ZNF318: variants seen among roughly 807,000 people sequenced by gnomAD.
ZNF318 encodes endocrine regulator.
A neutral mutation model predicts 124.2 loss-of-function variants in ZNF318; 51 were observed. That is an observed-to-expected ratio of 0.41 (90% CI 0.33 to 0.52). ZNF318 has a LOEUF of 0.52. Among genes scored for constraint, ZNF318 ranks in the 20% least tolerant of loss-of-function variants. The pLI, the probability that ZNF318 is intolerant of heterozygous loss-of-function variation, is 0.23. For synonymous variants in ZNF318, 1,090 were observed against 1,040.7 expected (o/e 1.05, Z -0.91); for missense variants, 2,815 against 2,811.2 (o/e 1.00, Z -0.03).
In ZNF318 at chr6:43,337,047, G is replaced by A; in HGVS notation, c.*111C>T. 9.9e-7 allele frequency: 1 copy of A among 1,009,868 alleles called. No individual in the cohort carries two copies. The highest frequency in any genetic ancestry group is 2.4e-5 in the South Asian group (1 of 41,826). The allele number at this position is 1,009,868 out of a possible 1,614,324, so 62.6% of individuals were successfully genotyped here. A position where few individuals can be genotyped will look rare whatever the true frequency, so the allele number is the denominator to read the frequency against. On this transcript the variant is annotated 3_prime_UTR_variant, in exon 10 of 10. Transcript: ENST00000361428. ...GAACATTTACTTTAAGATGCTGACTGCATCTCTTGGTGTAGGTTCCAGATG... is the reference window on the plus strand; with the variant it reads ...GAACATTTACTTTAAGATGCTGACTACATCTCTTGGTGTAGGTTCCAGATG...
intron 1 of ZNF318, among the ~76,000 whole-genome samples, chr6:43,368,351 T>A (rs960980370): frequency 5.3e-5 from 8 of 152,246 alleles, no homozygotes; most frequent in Admixed American, 4.6e-4. Flanking sequence ...CAAAGACTTG[T>A]GAGGGTTAAA....
intron 2 of ZNF318, among the ~76,000 whole-genome samples, chr6:43,362,518 CTT>C (rs1180416139): frequency 1.7e-3 from 140 of 80,908 alleles, no homozygotes; most frequent in African/African-American, 6.3e-3. Flanking sequence ...ACATACACGT[CTT>C]TTTTTTTTTT....
intron 1 of ZNF318, among the ~76,000 whole-genome samples, chr6:43,366,729 G>C (rs1779765947): frequency 1.3e-5 from 2 of 152,160 alleles, no homozygotes; most frequent in African/African-American, 4.8e-5. Flanking sequence ...TCGCTTGAGC[G>C]TGGGAGTTTG....
At chr6:43,353,089 A>G (rs1032359807) in intron 4 of ZNF318, among the ~76,000 whole-genome samples, 15 of 152,224 alleles carry the variant, frequency 9.9e-5, no homozygotes, top group Non-Finnish European at 1.5e-5. Context: ...ATAGGCCTGT[A>G]TGTGTCTATA....
At position 43,348,380 on chromosome 6, in the gene ZNF318, C is replaced by G. The variant is rs752006963; in HGVS notation, c.3016G>C (p.Glu1006Gln). 6.2e-7 allele frequency: 1 copy of G among 1,613,118 alleles called. No individual in the cohort carries two copies. Among genetic ancestry groups the G allele is most frequent in the Non-Finnish European group, 8.5e-7 (1 of 1,179,798 alleles). The change falls in exon 6 of 10, where the codon GAA (glutamate) becomes CAA (glutamine). Residue 1006 changes from glutamate (E) to glutamine (Q), a missense_variant. Around this residue, in one of 4 missense-constraint regions of ZNF318, gnomAD observed 1,377 missense variants for 1,353.5 expected, o/e 1.02. Coordinates refer to ENST00000361428, the MANE Select transcript of ZNF318 (RefSeq NM_014345.3). ...REPTEKPGKA[E>Q]KSKSPEKVSS... ...ACTTTTTCTGGGCTCTTAGATTTTT[C>G]TGCTTTCCCAGGCTTCTCTGTAGGC... is the stretch of plus-strand genomic sequence containing the variant.
In ZNF318 at chr6:43,355,364, C is replaced by T. The variant is rs752814100; in HGVS notation, c.1970G>A (p.Cys657Tyr). The change falls in exon 4 of 10, where the codon TGT (cysteine) becomes TAT (tyrosine). Residue 657 changes from cysteine to tyrosine, a missense_variant. Cys to Tyr is a radical substitution (Grantham distance 194, BLOSUM62 -2). Transcript: ENST00000361428. Reference protein sequence around the residue: ...SVDHRFSADRCSSVDHCFSAD... With the variant: ...SVDHRFSADRYSSVDHCFSAD... Reference sequence around the variant, plus strand: ...TGAGAAGCAGTGGTCAACTGAGGAACAGCGGTCAGCTGAGAAGCGGTGGTC... The same window carrying T: ...TGAGAAGCAGTGGTCAACTGAGGAATAGCGGTCAGCTGAGAAGCGGTGGTC... The T allele has an allele frequency of 1.2e-6, 2 of 1,614,128 alleles. No individual in the cohort carries two copies. Among genetic ancestry groups the T allele is most frequent in the African/African-American group, 1.3e-5 (1 of 75,026 alleles).
chr6:43,369,529 C>G lies in ZNF318; in HGVS notation c.-164G>C, dbSNP rs1234414638. On this transcript the variant is annotated 5_prime_UTR_variant, in exon 1 of 10. Transcript: ENST00000361428. ...CCTCGGCCCCGCGTCGCCCCGGGGG[C>G]CCGGCCGAGCGCGCCCCCGCGGCTG... 2.8e-5 allele frequency: 10 copies of G among 356,994 alleles called. No individual in the cohort carries two copies. The highest frequency in any genetic ancestry group is 3.5e-5 in the Non-Finnish European group (9 of 255,452). The allele number at this position is 356,994 out of a possible 1,614,324, so 22.1% of individuals were successfully genotyped here.
intron 2 of ZNF318, among the ~76,000 whole-genome samples, chr6:43,363,085 G>GC (rs1779705492): frequency 6.6e-6 from 1 of 152,188 alleles, no homozygotes; most frequent in Non-Finnish European, 1.5e-5. Flanking sequence ...GAAGACTGCT[G>GC]CCCCAAACTC....
At position 43,357,781 on chromosome 6, in the gene ZNF318, A is replaced by T; in HGVS notation, c.549-16T>A. 1 of 1,570,420 alleles carries T rather than the reference A, an allele frequency of 6.4e-7. No homozygotes were observed. The highest frequency in any genetic ancestry group is 8.6e-7 in the Non-Finnish European group (1 of 1,168,264). On this transcript the variant is annotated splice_polypyrimidine_tract_variant and intron_variant, in intron 2 of 9. Coordinates refer to ENST00000361428, the MANE Select transcript of ZNF318 (RefSeq NM_014345.3). The stretch of plus-strand genomic sequence containing the variant: ...CAGGTCATCCCTGAGGAAAAAGAGA[A>T]GCATCATTGAACAAATGGACTTGGA...
intron 1 of ZNF318, 106 bp downstream of exon 1, chr6:43,368,861 T>TCG: frequency 8.1e-7 from 1 of 1,238,730 alleles, no homozygotes; most frequent in African/African-American, 1.6e-5. Context: ...GCCGGAGGCT[T>TCG]CGCGCTTAGG....
At chr6:43,365,889 T>TA (rs1011927298) in intron 1 of ZNF318, among the ~76,000 whole-genome samples, 3 of 152,216 alleles carry the variant, frequency 2.0e-5, no homozygotes, top group Non-Finnish European at 4.4e-5. Flanking sequence ...ATCATTTTCT[T>TA]AGAGATATAA....
chr6:43,357,977 T>C (rs565074825), intron 2 of ZNF318, among the ~76,000 whole-genome samples: 76 of 152,304 alleles, frequency 5.0e-4, no homozygotes, highest in Admixed American at 2.7e-3. Context: ...CATATCTAGA[T>C]AGATCTCTTG....
At position 43,365,375 on chromosome 6, in the gene ZNF318, G is replaced by T. The variant is rs1410479458; in HGVS notation, c.465C>A (p.Asp155Glu). 6.2e-7 allele frequency: 1 copy of T among 1,614,196 alleles called. No individual in the cohort carries two copies. The highest frequency in any genetic ancestry group is 1.3e-5 in the African/African-American group (1 of 75,052). Residue 155 changes from aspartate to glutamate, a missense_variant, in exon 2 of 10, where the codon GAC (aspartate) becomes GAA (glutamate). By Grantham distance (45) the Asp-to-Glu change is conservative. This residue lies in a region of ZNF318 where 1,377 missense variants were observed against 1,353.5 expected (regional missense o/e 1.02). Transcript: ENST00000361428. ...EKSLRITVGN[D>E]HFCVSTPERR... is the part of the protein sequence containing the mutation. ...GTTCTGGTGTGCTAACACAGAAGTG[G>T]TCATTGCCAACAGTGATCCTTAAGC... is the stretch of plus-strand genomic sequence containing the variant.
At position 43,336,190 on chromosome 6, in the gene ZNF318, T is replaced by C. The variant is rs2150747263; in HGVS notation, c.*968A>G. 6.5e-6 allele frequency: 1 copy of C among 152,718 alleles called. No individual in the cohort carries two copies. The highest frequency in any genetic ancestry group is 1.9e-4 in the East Asian group (1 of 5,192). The allele number at this position is 152,718 out of a possible 1,614,324, so 9.5% of individuals were successfully genotyped here. A position where few individuals can be genotyped will look rare whatever the true frequency, so the allele number is the denominator to read the frequency against. On this transcript the variant is annotated 3_prime_UTR_variant, in exon 10 of 10. Transcript: ENST00000361428. ...ATATACAACCCCAAACATCGTACTA[T>C]GGTTGAAATTAATTGGGAAAGGAGG...
Position 43,348,907 on chromosome 6 carries a change from G to T in ZNF318, c.2771-282C>A, listed in dbSNP as rs138652343. Among the ~76,000 whole-genome samples, 96 of 152,206 alleles carry T rather than the reference G, an allele frequency of 6.3e-4. 1 individual carries two copies. Among genetic ancestry groups the T allele is most frequent in the African/African-American group, 2.2e-3 (92 of 41,544 alleles). ...AAATTAGCCGGGCATGGGGGTGGGCGCCTGTAATTCTATTTACCCGGGAGG... is the reference window on the plus strand; with the variant it reads ...AAATTAGCCGGGCATGGGGGTGGGCTCCTGTAATTCTATTTACCCGGGAGG... On this transcript the variant is annotated intron_variant, in intron 5 of 9. Transcript: ENST00000361428.
Position 43,348,580 on chromosome 6 carries a change from T to A in ZNF318, c.2816A>T (p.Asp939Val). 6.2e-7 allele frequency: 1 copy of A among 1,614,112 alleles called. No homozygotes were observed. The highest frequency in any genetic ancestry group is 8.5e-7 in the Non-Finnish European group (1 of 1,180,010). ...KKRREKDGHK[D>V]PLLVEVSRLQ... ...CCGACTCACCTCCACCAAGAGAGGA[T>A]CTTTGTGGCCATCCTTCTCCCTTCG... is the stretch of plus-strand genomic sequence containing the variant. The change falls in exon 6 of 10, where the codon GAT becomes GTT. Residue 939 changes from aspartate (D) to valine (V), a missense_variant. Coordinates refer to ENST00000361428, the MANE Select transcript of ZNF318 (RefSeq NM_014345.3).
chr6:43,348,766 G>T (rs2150752036), intron 5 of ZNF318, 141 bp from the exon 6 acceptor site: 1 of 976,408 alleles, frequency 1.0e-6, no homozygotes, highest in Non-Finnish European at 1.5e-6. Context: ...AGGCGTGGTG[G>T]CTCATGCCTG....
chr6:43,348,699 T>C, intron 5 of ZNF318, 74 bp from the exon 6 acceptor site: 1 of 1,509,570 alleles, frequency 6.6e-7, no homozygotes, highest in Non-Finnish European at 9.0e-7. Context: ...CAAGCAATAA[T>C]TTGTCAGGGC....
At chr6:43,347,327 AAG>A in intron 6 of ZNF318, among the ~76,000 whole-genome samples, 1 of 152,228 alleles carries the variant, frequency 6.6e-6, no homozygotes, top group South Asian at 2.1e-4. Flanking sequence ...TATGTGCAAA[AAG>A]AGTTAATTAA....
Sources: allele counts gnomAD v4.1 joint callset (sites outside exome capture counted in the v4.1 genomes callset), GRCh38; gene constraint gnomAD v4.1.1; regional missense constraint gnomAD v4.1.1; transcripts MANE v1.5; gene names NCBI Gene and HGNC (gene_info 2026-07-23, HGNC 2026-07-21).